ADCY9: variants seen among roughly 807,000 people sequenced by gnomAD.
ADCY9 encodes adenylate cyclase type 9.
Under a neutral mutation model 101.5 loss-of-function variants are expected in ADCY9, and 50 were observed. The observed-to-expected ratio is 0.49, with a 90% CI of 0.39 to 0.62. The LOEUF (loss-of-function observed/expected upper bound fraction) is 0.62, where lower values mean the gene tolerates loss of function less well. Ranked by LOEUF, ADCY9 falls within the 20% of genes least tolerant of loss-of-function variation. ADCY9 has a pLI of 0.00. For missense variants in ADCY9, 1,662 were observed against 1,800.4 expected (o/e 0.92, Z 1.39); for synonymous variants, 905 against 769.3 (o/e 1.18, Z -2.92).
At chr16:4,095,705 C>T (rs2056999293) in intron 2 of ADCY9, among the ~76,000 whole-genome samples, 2 of 151,990 alleles carry the variant, frequency 1.3e-5, no homozygotes, top group Non-Finnish European at 1.5e-5. Flanking sequence ...GACCAGGCAC[C>T]ATGGGTCACG....
chr16:3,968,559 T>C (rs2141673317), intron 10 of ADCY9, among the ~76,000 whole-genome samples: 1 of 152,340 alleles, frequency 6.6e-6, no homozygotes, highest in Admixed American at 6.5e-5. Context: ...TTAGTTCTTT[T>C]TGCCGAAATC....
chr16:4,048,529 T>C (rs935586655), intron 2 of ADCY9, among the ~76,000 whole-genome samples: 8 of 152,122 alleles, frequency 5.3e-5, no homozygotes, highest in East Asian at 1.9e-4. Flanking sequence ...AAGAATAACA[T>C]AGCCCTACAA....
rs775870498 is a variant in ADCY9 at position 4,113,734 on chromosome 16, A to G, written c.1693+16T>C. 1.9e-6 allele frequency: 3 copies of G among 1,599,434 alleles called. No homozygotes were observed. Among genetic ancestry groups the G allele is most frequent in the Non-Finnish European group, 2.6e-6 (3 of 1,169,154 alleles). ...GATCAGGGAGGGGGGATGCCGAGGT[A>G]AAGCAGTGCACATACCTTTCAACTG... On this transcript the variant is annotated intron_variant, in intron 2 of 10. Coordinates refer to ENST00000294016, the MANE Select transcript of ADCY9 (RefSeq NM_001116.4).
chr16:4,025,208 T>A (rs567466448), intron 2 of ADCY9, among the ~76,000 whole-genome samples: 22 of 151,710 alleles, frequency 1.5e-4, no homozygotes, highest in African/African-American at 4.6e-4. Flanking sequence ...TATTAAAAAA[T>A]ATATATATAC....
chr16:3,960,940 C>T (rs551289532), downstream of ADCY9, among the ~76,000 whole-genome samples: 320 of 152,296 alleles, frequency 2.1e-3, no homozygotes, highest in Middle Eastern at 3.4e-3. Context: ...TGGCTTTCTC[C>T]GGTTAGTTTC....
chr16:4,029,446 C>T (rs1313116734), intron 2 of ADCY9, among the ~76,000 whole-genome samples: 1 of 152,098 alleles, frequency 6.6e-6, no homozygotes, highest in African/African-American at 2.4e-5. Flanking sequence ...ATATAAAGAA[C>T]TCCTCAAAAT....
chr16:3,959,170 G>A (rs1160223286), downstream of ADCY9, among the ~76,000 whole-genome samples: 1 of 152,026 alleles, frequency 6.6e-6, no homozygotes, highest in East Asian at 1.9e-4. Context: ...AGACCAGCCT[G>A]AGCAACATGG....
At position 4,095,724 on chromosome 16, in the gene ADCY9, C is replaced by G. The variant is rs575717854; in HGVS notation, c.1693+18026G>C. ...AGGCACCATGGGTCACGCCTGTAAT[C>G]ACAGCACTTTAGGAGGCCAAGGCAG... On this transcript the variant is annotated intron_variant, in intron 2 of 10. Coordinates refer to ENST00000294016, the MANE Select transcript of ADCY9 (RefSeq NM_001116.4). Among the ~76,000 whole-genome samples, 316 of 152,266 alleles carry G rather than the reference C, an allele frequency of 2.1e-3. 1 individual carries two copies. The highest frequency in any genetic ancestry group is 2.3e-3 in the Non-Finnish European group (155 of 68,014).
In ADCY9 at chr16:4,113,839, G is replaced by A. The variant is rs767505370; in HGVS notation, c.1604C>T (p.Thr535Ile). The A allele has an allele frequency of 1.2e-6, 2 of 1,614,030 alleles. No individual in the cohort carries two copies. Among genetic ancestry groups the A allele is most frequent in the African/African-American group, 2.7e-5 (2 of 74,908 alleles). The change falls in exon 2 of 11, where the codon ACC becomes ATC. Residue 535 changes from threonine (T) to isoleucine (I), a missense_variant. Thr to Ile is a moderately conservative substitution (Grantham distance 89). Around this residue, in one of 5 missense-constraint regions of ADCY9, gnomAD observed 624 missense variants for 639.1 expected, o/e 0.98. Coordinates refer to ENST00000294016, the MANE Select transcript of ADCY9 (RefSeq NM_001116.4). Reference protein sequence around the residue: ...VAGKVHISEATAKYLDDRYEM... With the variant: ...VAGKVHISEAIAKYLDDRYEM... ...GTACCGGTCATCTAAGTATTTTGCG[G>A]TGGCCTCAGAAATGTGAACTTTGCC... is the stretch of plus-strand genomic sequence containing the variant.
At chr16:4,021,054 A>G (rs1245687173) in intron 2 of ADCY9, among the ~76,000 whole-genome samples, 1 of 152,198 alleles carries the variant, frequency 6.6e-6, no homozygotes, top group Non-Finnish European at 1.5e-5. Context: ...TTAAATGTGA[A>G]TATTTAGAAG....
chr16:4,097,190 C>T (rs1411067790), intron 2 of ADCY9, among the ~76,000 whole-genome samples: 1 of 152,050 alleles, frequency 6.6e-6, no homozygotes, highest in Non-Finnish European at 1.5e-5. Context: ...GCCCTCAGCG[C>T]AGCACCTCGG....
chr16:4,013,002 G>A (rs923845679), intron 2 of ADCY9, among the ~76,000 whole-genome samples: 10 of 151,986 alleles, frequency 6.6e-5, no homozygotes, highest in Non-Finnish European at 1.0e-4. Flanking sequence ...CTGTGACCCC[G>A]GCACTCTCGG....
chr16:3,982,462 A>C (rs2056152013), intron 7 of ADCY9: 1 of 152,232 alleles, frequency 6.6e-6, no homozygotes, highest in African/African-American at 2.4e-5. Flanking sequence ...TGTGGTGCCC[A>C]GGACGGGGAC....
At chr16:3,997,958 G>T (rs2056300403) in intron 3 of ADCY9, among the ~76,000 whole-genome samples, 1 of 152,126 alleles carries the variant, frequency 6.6e-6, no homozygotes, top group Non-Finnish European at 1.5e-5. Context: ...GCTGGGTGTG[G>T]TGGCACACAC....
At chr16:4,094,435 G>C (rs1045964028) in intron 2 of ADCY9, among the ~76,000 whole-genome samples, 6 of 152,138 alleles carry the variant, frequency 3.9e-5, no homozygotes, top group African/African-American at 1.2e-4. Flanking sequence ...ATGTCATGTG[G>C]CTTTCCAGCA....
intron 10 of ADCY9, among the ~76,000 whole-genome samples, chr16:3,968,668 C>G (rs575584559): frequency 7.2e-5 from 11 of 152,262 alleles, no homozygotes; most frequent in Non-Finnish European, 1.3e-4. Context: ...CAGATTCCCC[C>G]TGATGGAACT....
intron 7 of ADCY9, among the ~76,000 whole-genome samples, chr16:3,981,414 G>T (rs1034983126): frequency 2.0e-5 from 3 of 152,228 alleles, no homozygotes; most frequent in African/African-American, 7.2e-5. Flanking sequence ...GGGTGGACCA[G>T]GGAAGGCAGA....
At chr16:4,111,966 TA>T (rs1335886426) in intron 2 of ADCY9, among the ~76,000 whole-genome samples, 1 of 152,080 alleles carries the variant, frequency 6.6e-6, no homozygotes, top group Non-Finnish European at 1.5e-5. Flanking sequence ...ACATATTTAA[TA>T]ATTACACCCT....
At chr16:4,043,648 C>T (rs1423174059) in intron 2 of ADCY9, among the ~76,000 whole-genome samples, 1 of 152,048 alleles carries the variant, frequency 6.6e-6, no homozygotes, top group Non-Finnish European at 1.5e-5. Context: ...CAAGATTCCG[C>T]CACTGCATTC....
Sources: allele counts gnomAD v4.1 joint callset (sites outside exome capture counted in the v4.1 genomes callset), GRCh38; gene constraint gnomAD v4.1.1; regional missense constraint gnomAD v4.1.1; transcripts MANE v1.5; gene names NCBI Gene and HGNC (gene_info 2026-07-23, HGNC 2026-07-21).